The following HS6ST3 variants were observed in gnomAD, a reference collection of about 807,000 sequenced individuals.
HS6ST3 encodes heparan sulfate 6-O-sulfotransferase 3, also known as heparan-sulfate 6-O-sulfotransferase 3.
Under a neutral mutation model 36.7 loss-of-function variants are expected in HS6ST3, and 12 were observed. The observed-to-expected ratio is 0.33, with a 90% CI of 0.21 to 0.53. The LOEUF is 0.53. Among genes scored for constraint, HS6ST3 ranks in the 20% least tolerant of loss-of-function variants. The pLI, the probability that HS6ST3 is intolerant of heterozygous loss-of-function variation, is 0.95. For missense variants in HS6ST3, 584 were observed against 640.9 expected (o/e 0.91, Z 0.96); for synonymous variants, 240 against 257.5 (o/e 0.93, Z 0.65).
intron 1 of HS6ST3, among the ~76,000 whole-genome samples, chr13:96,378,683 GT>G (rs1485023545): frequency 6.6e-6 from 1 of 152,064 alleles, no homozygotes; most frequent in African/African-American, 2.4e-5. Context: ...CCTTGTTTTT[GT>G]TCCCTAGTAG....
At chr13:96,334,760 G>A (rs772801570) in intron 1 of HS6ST3, among the ~76,000 whole-genome samples, 18 of 152,014 alleles carry the variant, frequency 1.2e-4, no homozygotes, top group South Asian at 4.2e-4. Context: ...ATCTCCCACC[G>A]GGTCCCTCCC....
At chr13:96,451,205 G>A (rs545705923) in intron 1 of HS6ST3, among the ~76,000 whole-genome samples, 1 of 151,910 alleles carries the variant, frequency 6.6e-6, no homozygotes, top group Non-Finnish European at 1.5e-5. Flanking sequence ...TGGGTAGATG[G>A]TAGTCACATT....
At chr13:96,436,694 G>A (rs2055644312) in intron 1 of HS6ST3, among the ~76,000 whole-genome samples, 1 of 152,102 alleles carries the variant, frequency 6.6e-6, no homozygotes, top group South Asian at 2.1e-4. Context: ...AAGAGAAAAG[G>A]CCATGTGAGG....
intron 1 of HS6ST3, among the ~76,000 whole-genome samples, chr13:96,294,079 A>T (rs1371963601): frequency 6.6e-6 from 1 of 152,096 alleles, no homozygotes; most frequent in Non-Finnish European, 1.5e-5. Flanking sequence ...GCTCAGATGG[A>T]TTTGGTAAAG....
At chr13:96,327,610 G>T (rs1349592937) in intron 1 of HS6ST3, among the ~76,000 whole-genome samples, 1 of 151,832 alleles carries the variant, frequency 6.6e-6, no homozygotes, top group Non-Finnish European at 1.5e-5. Context: ...AAGTCAGGTA[G>T]CGTGATGCCT....
chr13:96,547,953 C>A (rs542936039), intron 1 of HS6ST3, among the ~76,000 whole-genome samples: 1 of 152,040 alleles, frequency 6.6e-6, no homozygotes, highest in South Asian at 2.1e-4. Flanking sequence ...CATAACAATT[C>A]TTCTTCACTG....
At chr13:96,476,636 C>T (rs535787205) in intron 1 of HS6ST3, among the ~76,000 whole-genome samples, 7 of 152,348 alleles carry the variant, frequency 4.6e-5, no homozygotes, top group African/African-American at 1.2e-4. Flanking sequence ...GCTGGGATTA[C>T]AGGCGTGAGC....
intron 1 of HS6ST3, among the ~76,000 whole-genome samples, chr13:96,770,596 G>T (rs1324443892): frequency 6.6e-6 from 1 of 152,148 alleles, no homozygotes; most frequent in African/African-American, 2.4e-5. Flanking sequence ...GGAAATAGAA[G>T]GATATTGGGG....
intron 1 of HS6ST3, among the ~76,000 whole-genome samples, chr13:96,424,966 A>G (rs1296570034): frequency 6.6e-6 from 1 of 152,170 alleles, no homozygotes; most frequent in Non-Finnish European, 1.5e-5. Context: ...CTGGAATATT[A>G]TTGTGGATGA....
At chr13:96,403,214 T>G (rs2055460494) in intron 1 of HS6ST3, among the ~76,000 whole-genome samples, 1 of 152,252 alleles carries the variant, frequency 6.6e-6, no homozygotes, top group African/African-American at 2.4e-5. Flanking sequence ...CATCTTTTGC[T>G]AATTTTTAAT....
chr13:96,221,238 G>C (rs1468014985), intron 1 of HS6ST3, among the ~76,000 whole-genome samples: 1 of 152,064 alleles, frequency 6.6e-6, no homozygotes, highest in Non-Finnish European at 1.5e-5. Flanking sequence ...AGAGTTTTTG[G>C]GAAATACCTA....
chr13:96,384,435 G>A (rs974293116), intron 1 of HS6ST3, among the ~76,000 whole-genome samples: 1 of 152,078 alleles, frequency 6.6e-6, no homozygotes, highest in Non-Finnish European at 1.5e-5. Context: ...CATTAGTCTT[G>A]TCTTCCACTA....
intron 1 of HS6ST3, among the ~76,000 whole-genome samples, chr13:96,531,112 TC>T (rs2056133608): frequency 6.6e-6 from 1 of 152,032 alleles, no homozygotes; most frequent in Non-Finnish European, 1.5e-5. Context: ...CTTTCCACTT[TC>T]TCTCTCTCTA....
intron 1 of HS6ST3, among the ~76,000 whole-genome samples, chr13:96,508,592 T>A (rs969140839): frequency 6.6e-6 from 1 of 152,114 alleles, no homozygotes; most frequent in East Asian, 1.9e-4. Flanking sequence ...TGTGTACTCA[T>A]AGCTTAGCTC....
At chr13:96,617,214 A>G (rs1262775332) in intron 1 of HS6ST3, among the ~76,000 whole-genome samples, 1 of 152,228 alleles carries the variant, frequency 6.6e-6, no homozygotes, top group Non-Finnish European at 1.5e-5. Context: ...ATACATTTAA[A>G]TACCTTGATT....
At position 96,693,582 on chromosome 13, in the gene HS6ST3, C is replaced by T. The variant is rs566131848; in HGVS notation, c.708-138908C>T. Among the ~76,000 whole-genome samples, 20 of 152,262 alleles carry T rather than the reference C, an allele frequency of 1.3e-4. No individual in the cohort carries two copies. In the East Asian group the frequency reaches 3.3e-3, roughly 25 times the overall value. The stretch of plus-strand genomic sequence containing the variant: ...CCTCCCAAAGTGCTGGAATTACAGG[C>T]GTGAGCCACCATGACCAGCCGGCCA... On this transcript the variant is annotated intron_variant, in intron 1 of 1. Coordinates refer to ENST00000376705, the MANE Select transcript of HS6ST3 (RefSeq NM_153456.4).
chr13:96,711,691 A>G (rs534744727), intron 1 of HS6ST3, among the ~76,000 whole-genome samples: 1 of 152,302 alleles, frequency 6.6e-6, no homozygotes, highest in South Asian at 2.1e-4. Context: ...AAGCATCTGC[A>G]TATCCATAGG....
chr13:96,486,267 T>C (rs1483617864), intron 1 of HS6ST3, among the ~76,000 whole-genome samples: 1 of 152,134 alleles, frequency 6.6e-6, no homozygotes, highest in Non-Finnish European at 1.5e-5. Flanking sequence ...TCTATCATTG[T>C]TGGACATTTG....
At chr13:96,591,936 T>C (rs2056383778) in intron 1 of HS6ST3, among the ~76,000 whole-genome samples, 1 of 152,192 alleles carries the variant, frequency 6.6e-6, no homozygotes, top group African/African-American at 2.4e-5. Flanking sequence ...AAATACATTT[T>C]TAGCATCAGT....
Sources: gnomAD v4.1 joint callset for allele counts (sites outside exome capture counted in the v4.1 genomes callset) on GRCh38, gnomAD v4.1.1 for gene constraint, MANE v1.5 for transcripts, NCBI Gene and HGNC (gene_info 2026-07-23, HGNC 2026-07-21) for gene names.